Variants in TNS3 observed in about 807,000 individuals in gnomAD.
The protein encoded by TNS3 is tensin-3.
In TNS3, 45 loss-of-function variants were observed where a neutral mutation model predicts 140.9. The observed-to-expected ratio is 0.32, with a 90% confidence interval of 0.25 to 0.41. The LOEUF (loss-of-function observed/expected upper bound fraction) is 0.41, where lower values mean the gene tolerates loss of function less well. Ranked by LOEUF, TNS3 falls within the 10% of genes least tolerant of loss-of-function variation. The pLI, the probability that TNS3 is intolerant of heterozygous loss-of-function variation, is 1.00. For synonymous variants in TNS3, 815 were observed against 788.4 expected (o/e 1.03, Z -0.56); for missense variants, 1,716 against 1,906.7 (o/e 0.90, Z 1.86).
chr7:47,414,677 A>AAGG (rs560768451), intron 11 of TNS3, among the ~76,000 whole-genome samples: 35 of 152,262 alleles, frequency 2.3e-4, no homozygotes, highest in South Asian at 8.3e-4. Flanking sequence ...GGTCATTTTA[A>AAGG]AGGAGGAGGA....
chr7:47,551,712 A>G (rs1800067594), intron 1 of TNS3, among the ~76,000 whole-genome samples: 1 of 152,350 alleles, frequency 6.6e-6, no homozygotes, highest in South Asian at 2.1e-4. Flanking sequence ...ACAACACCCC[A>G]CACAGGCAAA....
intron 1 of TNS3, among the ~76,000 whole-genome samples, chr7:47,574,618 T>C (rs894568407): frequency 8.6e-6 from 1 of 116,862 alleles, no homozygotes; most frequent in Admixed American, 9.3e-5. Context: ...AAATGTGCTA[T>C]TCATACAGAC....
intron 10 of TNS3, among the ~76,000 whole-genome samples, chr7:47,418,500 T>C (rs911540000): frequency 2.6e-4 from 40 of 152,182 alleles, no homozygotes; most frequent in African/African-American, 8.7e-4. Context: ...TTATCCAAAA[T>C]AAAATGTTCC....
chr7:47,548,925 C>T (rs1799990808), intron 1 of TNS3, among the ~76,000 whole-genome samples: 1 of 152,172 alleles, frequency 6.6e-6, no homozygotes, highest in African/African-American at 2.4e-5. Flanking sequence ...GCACCACTTC[C>T]CCACACAGTC....
intron 4 of TNS3, 118 bp downstream of exon 4, chr7:47,480,985 A>T: frequency 1.5e-6 from 1 of 671,134 alleles, no homozygotes; most frequent in Non-Finnish European, 2.3e-6. Flanking sequence ...TACAGGTCAA[A>T]GGGAGGGCAT....
chr7:47,353,240 T>C (rs1216108588), intron 17 of TNS3, among the ~76,000 whole-genome samples: 1 of 152,166 alleles, frequency 6.6e-6, no homozygotes, highest in Non-Finnish European at 1.5e-5. Context: ...CTGTCCAAGC[T>C]GAGACACCCT....
At chr7:47,455,075 C>T (rs983719680) in intron 4 of TNS3, among the ~76,000 whole-genome samples, 1 of 152,220 alleles carries the variant, frequency 6.6e-6, no homozygotes, top group South Asian at 2.1e-4. Context: ...GACAGCCCCA[C>T]CAAACCCCCA....
At chr7:47,334,818 A>C (rs1788540486) in intron 20 of TNS3, among the ~76,000 whole-genome samples, 1 of 152,142 alleles carries the variant, frequency 6.6e-6, no homozygotes, top group Non-Finnish European at 1.5e-5. Context: ...CATGTTGGCC[A>C]GGATGGTCTC....
chr7:47,286,920 A>C (rs756044385), intron 27 of TNS3, among the ~76,000 whole-genome samples: 1 of 152,186 alleles, frequency 6.6e-6, no homozygotes, highest in East Asian at 1.9e-4. Context: ...ACAAGGAAAA[A>C]GGCAGCATAG....
At chr7:47,449,291 C>T (rs954612391) in intron 4 of TNS3, among the ~76,000 whole-genome samples, 4 of 152,188 alleles carry the variant, frequency 2.6e-5, no homozygotes, top group African/African-American at 7.2e-5. Context: ...CCTTCACTGA[C>T]GTCCCATTGC....
chr7:47,329,462 A>G (rs555399250), intron 20 of TNS3, among the ~76,000 whole-genome samples: 19 of 152,052 alleles, frequency 1.2e-4, no homozygotes, highest in Non-Finnish European at 1.6e-4. Context: ...ACACTCATCA[A>G]CCTGTGAAGA....
At chr7:47,448,832 C>G (rs1795878247) in intron 4 of TNS3, among the ~76,000 whole-genome samples, 1 of 152,110 alleles carries the variant, frequency 6.6e-6, no homozygotes, top group Non-Finnish European at 1.5e-5. Flanking sequence ...AACAAATCAA[C>G]AGTTTCCAAA....
chr7:47,355,296 C>T (rs1337708830), intron 17 of TNS3, among the ~76,000 whole-genome samples: 1 of 152,212 alleles, frequency 6.6e-6, no homozygotes, highest in Non-Finnish European at 1.5e-5. Flanking sequence ...ATGGTGGGGC[C>T]TCAGCCCCAG....
At chr7:47,475,835 G>A (rs1797175922) in intron 4 of TNS3, among the ~76,000 whole-genome samples, 1 of 152,144 alleles carries the variant, frequency 6.6e-6, no homozygotes, top group Non-Finnish European at 1.5e-5. Flanking sequence ...AACTACCAAG[G>A]ACAGACTCGC....
At chr7:47,314,273 C>T (rs568209441) in intron 20 of TNS3, among the ~76,000 whole-genome samples, 97 of 152,290 alleles carry the variant, frequency 6.4e-4, no homozygotes, top group Non-Finnish European at 1.1e-3. Context: ...GAACCTACAC[C>T]CTGCAGGCGC....
At position 47,551,028 on chromosome 7, in the gene TNS3, A is replaced by G. The variant is rs796706531; in HGVS notation, c.-264-21881T>C. Among the ~76,000 whole-genome samples the G allele has an allele frequency of 1.5e-4, 23 of 152,294 alleles. 1 individual carries two copies. The highest frequency in any genetic ancestry group is 5.5e-4 in the African/African-American group (23 of 41,564). On this transcript the variant is annotated intron_variant, in intron 1 of 30. Transcript: ENST00000311160. ...AAGGAACATGAGCTCACTCAGAAAAAGGGCAAGGAGGGGCTCAGCCTCTTG... is the reference window on the plus strand; with the variant it reads ...AAGGAACATGAGCTCACTCAGAAAAGGGGCAAGGAGGGGCTCAGCCTCTTG...
At chr7:47,327,978 T>C (rs1234590212) in intron 20 of TNS3, among the ~76,000 whole-genome samples, 1 of 151,960 alleles carries the variant, frequency 6.6e-6, no homozygotes, top group African/African-American at 2.4e-5. Context: ...ATGTACAGCT[T>C]ACCTGGCACC....
chr7:47,553,897 G>C (rs12671622), intron 1 of TNS3, among the ~76,000 whole-genome samples: 2 of 151,802 alleles, frequency 1.3e-5, no homozygotes, highest in South Asian at 4.2e-4. Context: ...CCTCCACCTC[G>C]AGGTTCAAGC....
intron 17 of TNS3, among the ~76,000 whole-genome samples, chr7:47,361,082 GC>G (rs960098471): frequency 6.6e-6 from 1 of 151,198 alleles, no homozygotes; most frequent in Non-Finnish European, 1.5e-5. Flanking sequence ...GGAGGCCAAT[GC>G]CACCCCATGG....
Sources: gnomAD v4.1 joint callset for allele counts (sites outside exome capture counted in the v4.1 genomes callset) on GRCh38, gnomAD v4.1.1 for gene constraint, MANE v1.5 for transcripts, NCBI Gene and HGNC (gene_info 2026-07-23, HGNC 2026-07-21) for gene names.